PPAN: variants seen among roughly 807,000 people sequenced by gnomAD.
PPAN encodes suppressor of SWI4 1 homolog.
In PPAN, 39 loss-of-function variants were observed where a neutral mutation model predicts 48.5. That is an observed-to-expected ratio of 0.80 (90% CI 0.62 to 1.05). PPAN has a LOEUF of 1.05. Among genes scored for constraint, PPAN ranks in the 50% least tolerant of loss-of-function variants. The pLI is 0.00. For synonymous variants in PPAN, 315 were observed against 268.6 expected (o/e 1.17, Z -1.69); for missense variants, 736 against 661.7 (o/e 1.11, Z -1.23).
At position 10,110,709 on chromosome 19, in the gene PPAN, G is replaced by A. The variant is rs1273982958; in HGVS notation, c.1044G>A (p.Leu348=). ...EQREAHRKKS[L]EGMKKARVGG... ...CGCCCTCCTCCAGAAAGAAGAGCCT[G>A]GAGGGCATGAAGAAGGCACGGGTCG... Residue 348 remains leucine (L), a synonymous_variant, in exon 11 of 12, where the codon CTG becomes CTA. Transcript: ENST00000253107. This position sits in a 1 kb window ranked among gnomAD's most constrained non-coding sequence, Gnocchi z 5.9. 14 of 1,613,870 alleles carry A rather than the reference G, an allele frequency of 8.7e-6. No individual in the cohort carries two copies. Among genetic ancestry groups the A allele is most frequent in the Non-Finnish European group, 1.2e-5 (14 of 1,179,962 alleles).
rs868864799 is a variant in PPAN, at chr19:10,110,214, C to G, written c.790C>G (p.Arg264Gly). 1 of 1,610,966 alleles carries G rather than the reference C, an allele frequency of 6.2e-7. No homozygotes were observed. Among genetic ancestry groups the G allele is most frequent in the Non-Finnish European group, 8.5e-7 (1 of 1,179,722 alleles). The change falls in exon 8 of 12, where the codon CGG (arginine) becomes GGG (glycine). Residue 264 changes from arginine to glycine, a missense_variant. Physicochemically the swap from Arg to Gly is moderately radical, Grantham distance 125. Transcript: ENST00000253107. The surrounding 1 kb of genome is among the most constrained non-coding windows in gnomAD (Gnocchi z 5.9). Reference sequence around the variant, plus strand: ...GGCTGTCGCTGGCCGTGGCAACATGCGGGCCCAGCAGAGTGCAGTGCGGCT... The same window carrying G: ...GGCTGTCGCTGGCCGTGGCAACATGGGGGCCCAGCAGAGTGCAGTGCGGCT... The part of the protein sequence containing the change: ...PQAVAGRGNM[R>G]AQQSAVRLTE...
intron 2 of PPAN, 100 bp from the exon 3 acceptor site, chr19:10,107,405 C>A: frequency 7.8e-7 from 1 of 1,276,246 alleles, no homozygotes; most frequent in South Asian, 1.4e-5. Flanking sequence ...TTGAAAGGGT[C>A]AGATGCAAGA....
chr19:10,106,420 C>A lies in PPAN; in HGVS notation c.18+8C>A. The A allele has an allele frequency of 6.5e-7, 1 of 1,548,702 alleles. No individual in the cohort carries two copies. The highest frequency in any genetic ancestry group is 2.4e-5 in the East Asian group (1 of 40,844). ...ATGGGACAGTCAGGGAGGGTAAGGC[C>A]CGGCAGCTTGGGAGGCAGGTGGCGC... On this transcript the variant is annotated splice_region_variant and intron_variant, in intron 1 of 11. Transcript: ENST00000253107.
chr19:10,106,812 C>A, intron 2 of PPAN, 141 bp downstream of exon 2: 6 of 1,342,952 alleles, frequency 4.5e-6, no homozygotes, highest in Non-Finnish European at 5.9e-6. Context: ...AGCATCATTT[C>A]TGCCTTTCAG....
chr19:10,111,072 C>A lies in PPAN; in HGVS notation c.1329C>A (p.Ser443=), dbSNP rs761569109. Residue 443 remains serine, a synonymous_variant, in exon 12 of 12, where the codon TCC becomes TCA. Coordinates refer to ENST00000253107, the MANE Select transcript of PPAN (RefSeq NM_020230.7). ...DQKFPKTKDK[S]QGAQARRGPR... ...AGTTTCCCAAGACCAAGGACAAGTC[C>A]CAGGGAGCCCAGGCCAGGCGGGGGC... The A allele has an allele frequency of 4.3e-6, 7 of 1,613,326 alleles. No individual in the cohort carries two copies. Among genetic ancestry groups the A allele is most frequent in the Admixed American group, 1.7e-5 (1 of 60,000 alleles).
rs185456950 is a variant in PPAN at position 10,111,903 on chromosome 19, G to A, written c.*738G>A. The stretch of plus-strand genomic sequence containing the variant: ...GAGGGGGGTGGAACACGAGGTCAGG[G>A]GTTCGAGACCACCCTGACCAACAAG... On this transcript the variant is annotated 3_prime_UTR_variant, in exon 12 of 12. Coordinates refer to ENST00000253107, the MANE Select transcript of PPAN (RefSeq NM_020230.7). 9.9e-3 allele frequency among the ~76,000 whole-genome samples: 1,511 copies of A among 152,092 alleles called. 33 individuals carry two copies. Among genetic ancestry groups the A allele is most frequent in the African/African-American group, 0.034 (1,404 of 41,472 alleles).
In PPAN at chr19:10,111,211, G is replaced by A; in HGVS notation, c.*46G>A. The A allele has an allele frequency of 6.7e-7, 1 of 1,486,602 alleles. No individual in the cohort carries two copies. The highest frequency in any genetic ancestry group is 8.9e-7 in the Non-Finnish European group (1 of 1,120,328). The allele number at this position is 1,486,602 out of a possible 1,614,324, so 92.1% of individuals were successfully genotyped here. On this transcript the variant is annotated 3_prime_UTR_variant, in exon 12 of 12. Coordinates refer to ENST00000253107, the MANE Select transcript of PPAN (RefSeq NM_020230.7). ...GCGGCTGGATTGAACGCCCCAGATTGGGGCCCGAGATGTGGCCCTCGGTTT... is the reference window on the plus strand; with the variant it reads ...GCGGCTGGATTGAACGCCCCAGATTAGGGCCCGAGATGTGGCCCTCGGTTT...
chr19:10,111,033 C>T lies in PPAN; in HGVS notation c.1290C>T (p.Arg430=). ...GGGAAATGGATCGAGGCAGGGGTCGCCTTTGTGACCAGAAGTTTCCCAAGA... is the reference window on the plus strand; with the variant it reads ...GGGAAATGGATCGAGGCAGGGGTCGTCTTTGTGACCAGAAGTTTCCCAAGA... ...KRWEMDRGRG[R]LCDQKFPKTK... The change falls in exon 12 of 12, where the codon CGC becomes CGT. Residue 430 remains arginine, a synonymous_variant. Transcript: ENST00000253107. 2 of 1,613,642 alleles carry T rather than the reference C, an allele frequency of 1.2e-6. No individual in the cohort carries two copies. Among genetic ancestry groups the T allele is most frequent in the Non-Finnish European group, 1.7e-6 (2 of 1,179,942 alleles).
chr19:10,106,339 A>T, upstream of PPAN: 1 of 1,547,876 alleles, frequency 6.5e-7, no homozygotes, highest in Non-Finnish European at 8.7e-7. Context: ...GCCGGAAGTG[A>T]GCTGCGCAGC....
rs771087228 is a variant in PPAN at position 10,111,023 on chromosome 19, G to A, written c.1280G>A (p.Gly427Asp). The change falls in exon 12 of 12, where the codon GGC becomes GAC. Residue 427 changes from glycine (G) to aspartate (D), a missense_variant. By Grantham distance (94) the Gly-to-Asp change is moderately conservative (BLOSUM62 -1). Transcript: ENST00000253107. ...RKRKRWEMDR[G>D]RGRLCDQKFP... ...CGGAAGCGGTGGGAAATGGATCGAGGCAGGGGTCGCCTTTGTGACCAGAAG... is the reference window on the plus strand; with the variant it reads ...CGGAAGCGGTGGGAAATGGATCGAGACAGGGGTCGCCTTTGTGACCAGAAG... 1.7e-5 allele frequency: 27 copies of A among 1,613,648 alleles called. No individual in the cohort carries two copies. Among genetic ancestry groups the A allele is most frequent in the Non-Finnish European group, 2.1e-5 (25 of 1,179,976 alleles).
rs74406884 is a variant in PPAN at position 10,110,993 on chromosome 19, G to A, written c.1250G>A (p.Arg417Gln). Residue 417 changes from arginine to glutamine, a missense_variant, in exon 12 of 12, where the codon CGG becomes CAG. Coordinates refer to ENST00000253107, the MANE Select transcript of PPAN (RefSeq NM_020230.7). This position sits in a 1 kb window ranked among gnomAD's most constrained non-coding sequence, Gnocchi z 5.9. ...KQKRLAKSPG[R>Q]KRKRWEMDRG... ...AAACGGCTTGCCAAGTCTCCAGGGC[G>A]GAAGCGGAAGCGGTGGGAAATGGAT... is the stretch of plus-strand genomic sequence containing the variant. 8.0e-3 allele frequency: 12,939 copies of A among 1,613,222 alleles called. 73 individuals carry two copies. The highest frequency in any genetic ancestry group is 8.8e-3 in the Non-Finnish European group (10,333 of 1,179,946).
chr19:10,107,742 T>C, intron 3 of PPAN, 62 bp from the exon 4 acceptor site: 1 of 1,611,242 alleles, frequency 6.2e-7, no homozygotes, highest in East Asian at 2.2e-5. Flanking sequence ...GGGGCAAAGG[T>C]GCCTACTCCG....
intron 5 of PPAN, among the ~76,000 whole-genome samples, chr19:10,108,953 T>A (rs1278201916): frequency 6.6e-6 from 1 of 151,534 alleles, no homozygotes; most frequent in Admixed American, 6.6e-5. Flanking sequence ...GACCAGAATT[T>A]CTTGTTTACC....
chr19:10,107,995 T>G lies in PPAN; in HGVS notation c.374T>G (p.Leu125Arg). The change falls in exon 5 of 12, where the codon CTG (leucine) becomes CGG (arginine). Residue 125 changes from leucine (L) to arginine (R), a missense_variant. By Grantham distance (102) the Leu-to-Arg change is moderately radical. Transcript: ENST00000253107. ...YSLVRDVVSS[L>R]RRHRMHEQQF... is the part of the protein sequence containing the mutation. ...CTGGTGCGTGATGTGGTCTCCTCAC[T>G]GCGCCGGCACCGCATGCACGAGCAG... The G allele has an allele frequency of 6.2e-7, 1 of 1,610,848 alleles. No homozygotes were observed. The highest frequency in any genetic ancestry group is 8.5e-7 in the Non-Finnish European group (1 of 1,178,136).
chr19:10,110,580 G>A lies in PPAN; in HGVS notation c.997G>A (p.Val333Met). 1.1e-5 allele frequency: 17 copies of A among 1,604,098 alleles called. No individual in the cohort carries two copies. The highest frequency in any genetic ancestry group is 1.4e-5 in the Non-Finnish European group (16 of 1,176,140). Residue 333 changes from valine (V) to methionine (M), a missense_variant, in exon 10 of 12, where the codon GTG becomes ATG. Val to Met is a conservative substitution (Grantham distance 21). Coordinates refer to ENST00000253107, the MANE Select transcript of PPAN (RefSeq NM_020230.7). This position sits in a 1 kb window ranked among gnomAD's most constrained non-coding sequence, Gnocchi z 5.9. The stretch of plus-strand genomic sequence containing the variant: ...GAGGCAGGCCCAGCAGGCCCAGAAT[G>A]TGCAGCGCAAGCAGGAGCAGCGGGA... ...AQRQAQQAQN[V>M]QRKQEQREAH...
In PPAN at chr19:10,107,443, G is replaced by C. The variant is rs888167235; in HGVS notation, c.190-62G>C. 13 of 1,570,994 alleles carry C rather than the reference G, an allele frequency of 8.3e-6. No homozygotes were observed. The African/African-American group carries it at 1.6e-4, about 20-fold the overall frequency. On this transcript the variant is annotated intron_variant, in intron 2 of 11. Coordinates refer to ENST00000253107, the MANE Select transcript of PPAN (RefSeq NM_020230.7). ...GACCATAACAGGATCTGCACCGTCA[G>C]CTTATAGTTGTCACAACAAGGGATA...
chr19:10,110,544 C>T lies in PPAN; in HGVS notation c.961C>T (p.Leu321=). 1 of 1,610,618 alleles carries T rather than the reference C, an allele frequency of 6.2e-7. No individual in the cohort carries two copies. The highest frequency in any genetic ancestry group is 8.5e-7 in the Non-Finnish European group (1 of 1,179,102). The change falls in exon 10 of 12, where the codon CTG becomes TTG. Residue 321 remains leucine, a synonymous_variant. Transcript: ENST00000253107. This position sits in a 1 kb window ranked among gnomAD's most constrained non-coding sequence, Gnocchi z 5.9. ...ILEAKEKKLR[L]KAQRQAQQAQ... ...GGAAGCCAAGGAGAAGAAGCTGCGG[C>T]TGAAGGCGCAGAGGCAGGCCCAGCA...
In PPAN at chr19:10,111,207, G is replaced by C. The variant is rs933124493; in HGVS notation, c.*42G>C. On this transcript the variant is annotated 3_prime_UTR_variant, in exon 12 of 12. Coordinates refer to ENST00000253107, the MANE Select transcript of PPAN (RefSeq NM_020230.7). The stretch of plus-strand genomic sequence containing the variant: ...AGCAGCGGCTGGATTGAACGCCCCA[G>C]ATTGGGGCCCGAGATGTGGCCCTCG... 1.6e-5 allele frequency: 24 copies of C among 1,492,978 alleles called. No homozygotes were observed. The highest frequency in any genetic ancestry group is 2.0e-5 in the Non-Finnish European group (23 of 1,123,394). 92.5% of individuals were successfully genotyped at this position (1,492,978 alleles called of 1,614,324 possible).
rs1166575229 is a variant in PPAN at position 10,106,603 on chromosome 19, C to T, written c.121C>T (p.Arg41Cys). 6.5e-7 allele frequency: 1 copy of T among 1,550,294 alleles called. No individual in the cohort carries two copies. Among genetic ancestry groups the T allele is most frequent in the African/African-American group, 1.4e-5 (1 of 73,582 alleles). Residue 41 changes from arginine (R) to cysteine (C), a missense_variant, in exon 2 of 12, where the codon CGC becomes TGC. Arg to Cys is a radical substitution (Grantham distance 180, BLOSUM62 -3). Coordinates refer to ENST00000253107, the MANE Select transcript of PPAN (RefSeq NM_020230.7). ...SFVFTRGCTG[R>C]NIRQLSLDVR... Reference sequence around the variant, plus strand: ...CGTGTTCACGCGAGGCTGCACGGGTCGCAACATCCGGCAGCTCAGCCTGGA... The same window carrying T: ...CGTGTTCACGCGAGGCTGCACGGGTTGCAACATCCGGCAGCTCAGCCTGGA...
Sources: allele counts gnomAD v4.1 joint callset (sites outside exome capture counted in the v4.1 genomes callset), GRCh38; gene constraint gnomAD v4.1.1; non-coding constraint Gnocchi (gnomAD v3.1); transcripts MANE v1.5; gene names NCBI Gene and HGNC (gene_info 2026-07-23, HGNC 2026-07-21).